The following ERBB4 variants were observed in gnomAD, a reference collection of about 807,000 sequenced individuals.
The protein encoded by ERBB4 is erb-b2 receptor tyrosine kinase 4, also known as receptor tyrosine-protein kinase erbB-4.
In ERBB4, 42 loss-of-function variants were observed where a neutral mutation model predicts 158.0. The ratio of observed to expected loss-of-function variants is 0.27; its 90% CI spans 0.21 to 0.34. The LOEUF (loss-of-function observed/expected upper bound fraction) is 0.34. ERBB4 is among the 10% of genes least tolerant of loss of function. The pLI, the probability that ERBB4 is intolerant of heterozygous loss-of-function variation, is 1.00. For synonymous variants in ERBB4, 583 were observed against 558.7 expected (o/e 1.04, Z -0.61); for missense variants, 1,333 against 1,624.1 (o/e 0.82, Z 3.08).
intron 1 of ERBB4, among the ~76,000 whole-genome samples, chr2:212,210,190 GAGAA>G (rs1559752272): frequency 7.7e-6 from 1 of 130,530 alleles, no homozygotes; most frequent in Non-Finnish European, 1.6e-5. Flanking sequence ...ACCAAGAAAA[GAGAA>G]AGAGCAGCAA....
At chr2:211,789,525 C>T (rs79270461) in intron 3 of ERBB4, among the ~76,000 whole-genome samples, 1,948 of 152,246 alleles carry the variant, frequency 0.013, 35 homozygotes, top group African/African-American at 0.037. Context: ...AGAAGAAATG[C>T]TCTCCTTGAG....
rs192063710 is a variant in ERBB4, at chr2:212,315,155, T to C, written c.83-190252A>G. 4.1e-4 allele frequency among the ~76,000 whole-genome samples: 62 copies of C among 151,512 alleles called. 1 individual carries two copies. The highest frequency in any genetic ancestry group is 3.0e-3 in the Admixed American group (45 of 15,156). On this transcript the variant is annotated intron_variant, in intron 1 of 27. Coordinates refer to ENST00000342788, the MANE Select transcript of ERBB4 (RefSeq NM_005235.3). ...CTTTTAATTTTTTTTAATATTTGAT[T>C]CTACTTTACTGCTGTTACACATAAC...
intron 22 of ERBB4, 129 bp from the exon 23 acceptor site, chr2:211,424,430 G>C (rs1432851161): frequency 1.6e-6 from 1 of 639,226 alleles, no homozygotes; most frequent in Middle Eastern, 3.9e-4. Context: ...AAAAAAAAAA[G>C]CTCCATAAAT....
chr2:212,362,244 A>G (rs890607353), intron 1 of ERBB4, among the ~76,000 whole-genome samples: 15 of 151,498 alleles, frequency 9.9e-5, no homozygotes, highest in Non-Finnish European at 1.9e-4. Flanking sequence ...CCATCGGTAT[A>G]CTAAAATAAA....
At chr2:211,744,315 TTACTA>T (rs1273073830) in intron 5 of ERBB4, among the ~76,000 whole-genome samples, 1 of 152,220 alleles carries the variant, frequency 6.6e-6, no homozygotes, top group African/African-American at 2.4e-5. Context: ...GTACTAACTT[TTACTA>T]AAAATATAAA....
intron 3 of ERBB4, among the ~76,000 whole-genome samples, chr2:211,878,574 A>G (rs12986524): frequency 0.51 from 76,747 of 151,168 alleles, 20,122 homozygotes; most frequent in African/African-American, 0.62. Flanking sequence ...CAAAATAATC[A>G]AGAAATAATG....
chr2:212,443,024 T>G (rs190751673), intron 1 of ERBB4, among the ~76,000 whole-genome samples: 286 of 152,338 alleles, frequency 1.9e-3, no homozygotes, highest in African/African-American at 6.6e-3. Context: ...CAGATGTGGT[T>G]TCATTGCTTG....
At chr2:211,514,725 T>G (rs548543476) in intron 20 of ERBB4, among the ~76,000 whole-genome samples, 1 of 152,294 alleles carries the variant, frequency 6.6e-6, no homozygotes, top group East Asian at 1.9e-4. Flanking sequence ...TCTGAAATGC[T>G]TGGGGGCAGA....
chr2:212,183,879 C>A lies in ERBB4; in HGVS notation c.83-58976G>T, dbSNP rs577425222. Among the ~76,000 whole-genome samples, 11 of 152,216 alleles carry A rather than the reference C, an allele frequency of 7.2e-5. No individual in the cohort carries two copies. The East Asian group carries it at 1.7e-3, about 24-fold the overall frequency. The stretch of plus-strand genomic sequence containing the variant: ...ATCTATTTTTCCAAAGATATTTTTA[C>A]AGATTAACTACAAGAGAAAGGTCTA... On this transcript the variant is annotated intron_variant, in intron 1 of 27. Coordinates refer to ENST00000342788, the MANE Select transcript of ERBB4 (RefSeq NM_005235.3).
chr2:211,941,571 A>G (rs1033483631), intron 3 of ERBB4, among the ~76,000 whole-genome samples: 3 of 152,134 alleles, frequency 2.0e-5, no homozygotes, highest in African/African-American at 7.2e-5. Context: ...GGCATGAAAC[A>G]CTGAAAGACA....
intron 1 of ERBB4, among the ~76,000 whole-genome samples, chr2:212,347,164 T>C (rs2089043519): frequency 6.6e-6 from 1 of 152,104 alleles, no homozygotes. Flanking sequence ...AATAACACAT[T>C]TCATTTTTGT....
intron 5 of ERBB4, among the ~76,000 whole-genome samples, chr2:211,727,722 C>A (rs1423145575): frequency 6.6e-6 from 1 of 151,776 alleles, no homozygotes; most frequent in East Asian, 1.9e-4. Flanking sequence ...TAAAATAATG[C>A]ACAATATTGA....
chr2:212,261,001 G>A (rs1237115347), intron 1 of ERBB4, among the ~76,000 whole-genome samples: 1 of 152,068 alleles, frequency 6.6e-6, no homozygotes, highest in East Asian at 1.9e-4. Flanking sequence ...AATGACAGTG[G>A]ACTCGATCTG....
At chr2:211,539,783 G>GT (rs1365730215) in intron 20 of ERBB4, among the ~76,000 whole-genome samples, 2 of 151,848 alleles carry the variant, frequency 1.3e-5, no homozygotes, top group East Asian at 1.9e-4. Flanking sequence ...ACAAAGGGAG[G>GT]TTTTTTTATG....
At chr2:211,637,640 T>G (rs1204406534) in intron 16 of ERBB4, among the ~76,000 whole-genome samples, 1 of 152,014 alleles carries the variant, frequency 6.6e-6, no homozygotes, top group Non-Finnish European at 1.5e-5. Context: ...CTTTCCATTC[T>G]AATAATTTCC....
At chr2:212,429,757 C>T (rs1434487604) in intron 1 of ERBB4, among the ~76,000 whole-genome samples, 1 of 152,060 alleles carries the variant, frequency 6.6e-6, no homozygotes, top group East Asian at 1.9e-4. Flanking sequence ...TAGGTCTGAC[C>T]CCAGAGCCTG....
chr2:212,196,470 G>C (rs996401273), intron 1 of ERBB4, among the ~76,000 whole-genome samples: 1 of 151,894 alleles, frequency 6.6e-6, no homozygotes, highest in Admixed American at 6.6e-5. Context: ...AGGTATACTA[G>C]GTGTAATTTT....
rs546894909 is a variant in ERBB4 at position 211,892,966 on chromosome 2, G to A, written c.421+54464C>T. ...CTCATGGGTAGGAAGAATCAATATC[G>A]TGAAAATGGCCATACTGCCCAAGGT... is the stretch of plus-strand genomic sequence containing the variant. On this transcript the variant is annotated intron_variant, in intron 3 of 27. Coordinates refer to ENST00000342788, the MANE Select transcript of ERBB4 (RefSeq NM_005235.3). 9.5e-4 allele frequency among the ~76,000 whole-genome samples: 140 copies of A among 146,854 alleles called. 4 individuals carry two copies. Among genetic ancestry groups the A allele is most frequent in the African/African-American group, 3.1e-3 (119 of 38,276 alleles).
intron 19 of ERBB4, among the ~76,000 whole-genome samples, chr2:211,617,088 A>C (rs544599588): frequency 3.3e-5 from 5 of 152,068 alleles, no homozygotes; most frequent in African/African-American, 7.2e-5. Flanking sequence ...ATTCAAAATC[A>C]TGATGAGGAT....
Sources: allele counts gnomAD v4.1 joint callset (sites outside exome capture counted in the v4.1 genomes callset), GRCh38; gene constraint gnomAD v4.1.1; transcripts MANE v1.5; gene names NCBI Gene and HGNC (gene_info 2026-07-23, HGNC 2026-07-21).